Variants in GATAD2B observed in about 807,000 individuals in gnomAD.
GATAD2B encodes transcriptional repressor p66-beta.
A neutral mutation model predicts 64.3 loss-of-function variants in GATAD2B; 8 were observed. The ratio of observed to expected loss-of-function variants is 0.12; its 90% confidence interval spans 0.07 to 0.22. The LOEUF is 0.22. Ranked by LOEUF, GATAD2B falls within the 10% of genes least tolerant of loss-of-function variation. The probability of loss-of-function intolerance (pLI) is 1.00; values close to 1 mark genes in which losing one functional copy is unlikely to be tolerated. For missense variants in GATAD2B, 453 were observed against 752.0 expected, an observed-to-expected ratio of 0.60 and a Z score of 4.65; for synonymous variants, 281 against 271.3, an observed-to-expected ratio of 1.04 and a Z score of -0.35.
chr1:153,884,472 G>A (rs185643386), intron 1 of GATAD2B, among the ~76,000 whole-genome samples: 51 of 151,946 alleles, frequency 3.4e-4, no homozygotes, highest in African/African-American at 1.0e-3. Context: ...CATGGTGGCA[G>A]GTGCCTGTAA....
At chr1:153,921,513 T>C (rs1678427226) in intron 1 of GATAD2B, among the ~76,000 whole-genome samples, 1 of 152,206 alleles carries the variant, frequency 6.6e-6, no homozygotes, top group South Asian at 2.1e-4. Flanking sequence ...AACACTGCTC[T>C]TGCCCTTTGC....
At chr1:153,868,437 T>C (rs1676549948) in intron 1 of GATAD2B, among the ~76,000 whole-genome samples, 1 of 151,764 alleles carries the variant, frequency 6.6e-6, no homozygotes, top group African/African-American at 2.4e-5. Context: ...TGCAGTGATG[T>C]TGTTCTAGTT....
chr1:153,873,135 GTAT>G (rs1205126313), intron 1 of GATAD2B, among the ~76,000 whole-genome samples: 1 of 152,250 alleles, frequency 6.6e-6, no homozygotes, highest in South Asian at 2.1e-4. Flanking sequence ...TGATGACTTA[GTAT>G]TATTATGAAA....
intron 1 of GATAD2B, among the ~76,000 whole-genome samples, chr1:153,888,014 G>A (rs1677237162): frequency 6.6e-6 from 1 of 151,820 alleles, no homozygotes; most frequent in Admixed American, 6.6e-5. Context: ...TTGAACCTGG[G>A]AGGCGGAGGT....
At chr1:153,894,801 G>A (rs1332649826) in intron 1 of GATAD2B, among the ~76,000 whole-genome samples, 2 of 152,136 alleles carry the variant, frequency 1.3e-5, no homozygotes, top group South Asian at 2.1e-4. Flanking sequence ...GGCAGAGGTC[G>A]CAGTAAGTGG....
chr1:153,855,538 T>C (rs1158987502), intron 1 of GATAD2B, among the ~76,000 whole-genome samples: 2 of 151,982 alleles, frequency 1.3e-5, no homozygotes, highest in East Asian at 3.9e-4. Context: ...TAGTTTTCTA[T>C]GGCTGCTATA....
chr1:153,878,415 T>C (rs1676902677), intron 1 of GATAD2B, among the ~76,000 whole-genome samples: 1 of 152,070 alleles, frequency 6.6e-6, no homozygotes, highest in Non-Finnish European at 1.5e-5. Context: ...TGTGAGCCAC[T>C]GTGACCAGCT....
At chr1:153,819,548 G>A (rs1004926030) in intron 3 of GATAD2B, 58 bp downstream of exon 3, 5 of 1,189,690 alleles carry the variant, frequency 4.2e-6, no homozygotes, top group Non-Finnish European at 4.8e-6. Context: ...ATCTCTTGAG[G>A]AATTAAATAA....
rs1479328955 is a variant in GATAD2B at position 153,828,291 on chromosome 1, G to C, written c.57C>G (p.Asp19Glu). The C allele has an allele frequency of 2.5e-6, 4 of 1,613,388 alleles. No individual in the cohort carries two copies. In the Admixed American group the frequency reaches 6.7e-5, roughly 27 times the overall value. The change falls in exon 2 of 11, where the codon GAC (aspartate) becomes GAG (glutamate). Residue 19 changes from aspartate to glutamate, a missense_variant. Physicochemically the swap from Asp to Glu is conservative, Grantham distance 45. Coordinates refer to ENST00000368655, the MANE Select transcript of GATAD2B (RefSeq NM_020699.4). Reference protein sequence around the residue: ...LRLNLLKRSLDPADERDDVLA... With the variant: ...LRLNLLKRSLEPADERDDVLA... The stretch of plus-strand genomic sequence containing the variant: ...GGACATCATCTCGCTCATCTGCTGG[G>C]TCCAAGCTCCGCTTCAACAGATTCA...
intron 2 of GATAD2B, among the ~76,000 whole-genome samples, chr1:153,820,591 G>C (rs1674642965): frequency 6.6e-6 from 1 of 152,058 alleles, no homozygotes; most frequent in Admixed American, 6.6e-5. Flanking sequence ...TGTCAGCGTA[G>C]TTGGTAGTAT....
At chr1:153,914,227 C>CAAAAAAAA (rs759245034) in intron 1 of GATAD2B, among the ~76,000 whole-genome samples, 4 of 65,958 alleles carry the variant, frequency 6.1e-5, no homozygotes, top group African/African-American at 6.1e-5. Context: ...CCCAGACTCT[C>CAAAAAAAA]AAAAAAAAAA....
intron 2 of GATAD2B, among the ~76,000 whole-genome samples, chr1:153,822,809 T>G (rs1426587107): frequency 6.6e-6 from 1 of 152,154 alleles, no homozygotes; most frequent in East Asian, 1.9e-4. Context: ...TTTTCTTGTA[T>G]TTATTTTTTC....
At chr1:153,820,617 T>C (rs976731737) in intron 2 of GATAD2B, among the ~76,000 whole-genome samples, 1 of 152,078 alleles carries the variant, frequency 6.6e-6, no homozygotes, top group Non-Finnish European at 1.5e-5. Flanking sequence ...TCGAGGGCAA[T>C]TGTTCTTTGG....
At chr1:153,835,142 G>C (rs1055856658) in intron 1 of GATAD2B, among the ~76,000 whole-genome samples, 22 of 151,912 alleles carry the variant, frequency 1.4e-4, no homozygotes, top group Admixed American at 1.4e-3. Context: ...ACAAAAATTT[G>C]AATGGATAAG....
At chr1:153,875,223 A>T (rs891060660) in intron 1 of GATAD2B, among the ~76,000 whole-genome samples, 2 of 152,152 alleles carry the variant, frequency 1.3e-5, no homozygotes, top group African/African-American at 4.8e-5. Flanking sequence ...AACTTGCTTC[A>T]TAGGTCACTT....
chr1:153,874,204 A>C (rs780772783), intron 1 of GATAD2B, among the ~76,000 whole-genome samples: 1 of 151,788 alleles, frequency 6.6e-6, no homozygotes, highest in Admixed American at 6.6e-5. Flanking sequence ...AGAGGTTGCA[A>C]TGAGCTGAGA....
At chr1:153,867,323 A>T (rs1156587805) in intron 1 of GATAD2B, among the ~76,000 whole-genome samples, 1 of 152,214 alleles carries the variant, frequency 6.6e-6, no homozygotes, top group Non-Finnish European at 1.5e-5. Flanking sequence ...TGGCAAGGTT[A>T]GCAACCAGGA....
Position 153,883,251 on chromosome 1 carries a change from T to C in GATAD2B, c.-2+39482A>G, listed in dbSNP as rs576318203. Among the ~76,000 whole-genome samples the C allele has an allele frequency of 8.5e-5, 13 of 152,316 alleles. No homozygotes were observed. The East Asian group carries it at 9.6e-4, about 11-fold the overall frequency. ...AAAAATATTATTTCTAAATAAAAGT[T>C]TTCCTGAGCCATATAATATTAACTT... On this transcript the variant is annotated intron_variant, in intron 1 of 10. Coordinates refer to ENST00000368655, the MANE Select transcript of GATAD2B (RefSeq NM_020699.4).
intron 1 of GATAD2B, among the ~76,000 whole-genome samples, chr1:153,875,281 T>C (rs1676789327): frequency 2.0e-5 from 3 of 152,130 alleles, no homozygotes; most frequent in Non-Finnish European, 4.4e-5. Context: ...TCCAACCTTT[T>C]GGCTTCCCTG....
Sources: allele counts gnomAD v4.1 joint callset (sites outside exome capture counted in the v4.1 genomes callset), GRCh38; gene constraint gnomAD v4.1.1; transcripts MANE v1.5; gene names NCBI Gene and HGNC (gene_info 2026-07-23, HGNC 2026-07-21).